Variants in NFASC observed in about 807,000 individuals in gnomAD.
NFASC encodes neurofascin.
A neutral mutation model predicts 147.5 loss-of-function variants in NFASC; 43 were observed. The observed-to-expected ratio is 0.29, with a 90% confidence interval of 0.23 to 0.38. The LOEUF (loss-of-function observed/expected upper bound fraction) is 0.38. NFASC is among the 10% of genes least tolerant of loss of function. NFASC has a pLI of 1.00. For synonymous variants in NFASC, 622 were observed against 665.5 expected (o/e 0.93, Z 1.01); for missense variants, 1,320 against 1,689.0 (o/e 0.78, Z 3.83).
chr1:204,932,687 C>T (rs943372506), intron 2 of NFASC, among the ~76,000 whole-genome samples: 1 of 152,150 alleles, frequency 6.6e-6, no homozygotes, highest in South Asian at 2.1e-4. Context: ...TTTCACACTG[C>T]GAAGGTAAAG....
At chr1:204,964,713 G>C (rs1284160723) in intron 8 of NFASC, among the ~76,000 whole-genome samples, 1 of 152,200 alleles carries the variant, frequency 6.6e-6, no homozygotes, top group Non-Finnish European at 1.5e-5. Context: ...TGAGTCTCTG[G>C]TTCTCAGTTC....
At chr1:204,871,139 C>G in intron 1 of NFASC, 2 of 1,264,912 alleles carry the variant, frequency 1.6e-6, no homozygotes, top group Non-Finnish European at 2.1e-6. Flanking sequence ...CTTTGGCCTT[C>G]AAAGACTCTG....
At chr1:204,836,239 T>C (rs535689338) in intron 1 of NFASC, among the ~76,000 whole-genome samples, 132 of 152,314 alleles carry the variant, frequency 8.7e-4, no homozygotes, top group Non-Finnish European at 1.6e-3. Flanking sequence ...TATCTTTATT[T>C]GCAGGGTAAA....
At chr1:204,838,764 C>T (rs1411594767) in intron 1 of NFASC, among the ~76,000 whole-genome samples, 3 of 152,214 alleles carry the variant, frequency 2.0e-5, no homozygotes, top group Non-Finnish European at 2.9e-5. Flanking sequence ...TCTTTACAGT[C>T]ATCCCGTTTA....
At chr1:204,903,609 AC>A (rs1456517958) in intron 1 of NFASC, among the ~76,000 whole-genome samples, 1 of 152,064 alleles carries the variant, frequency 6.6e-6, no homozygotes, top group Non-Finnish European at 1.5e-5. Flanking sequence ...CCCAGGTCCT[AC>A]TTGCAGGACT....
intron 3 of NFASC, 57 bp downstream of exon 3, chr1:204,944,463 GAGGGGA>G: frequency 2.8e-6 from 2 of 708,416 alleles, no homozygotes; most frequent in Non-Finnish European, 2.3e-6. Context: ...AGAGGGGTGG[GAGGGGA>G]GGGAAGGTCA....
At chr1:204,945,008 C>T (rs1318288655) in intron 3 of NFASC, 2 of 152,206 alleles carry the variant, frequency 1.3e-5, no homozygotes, top group Admixed American at 6.5e-5. Flanking sequence ...TTTCAACTTT[C>T]CTGCAGTAAA....
Position 204,981,865 on chromosome 1 carries a change from C to T in NFASC, c.2315C>T (p.Thr772Ile). 6.2e-7 allele frequency: 1 copy of T among 1,604,878 alleles called. No individual in the cohort carries two copies. Among genetic ancestry groups the T allele is most frequent in the Non-Finnish European group, 8.5e-7 (1 of 1,175,772 alleles). The change falls in exon 21 of 30, where the codon ACT becomes ATT. Residue 772 changes from threonine to isoleucine, a missense_variant. Around this residue, in one of 3 missense-constraint regions of NFASC, gnomAD observed 981 missense variants for 1,289.5 expected, o/e 0.76. Transcript: ENST00000339876. ...RYIVKWRRRE[T>I]REAWNNVTVW... ...ATTGTCAAGTGGAGGCGGAGAGAGA[C>T]TCGAGAGGCCTGGAACAACGTCACA...
chr1:205,014,102 A>G (rs550969059), intron 29 of NFASC, among the ~76,000 whole-genome samples: 2 of 152,314 alleles, frequency 1.3e-5, no homozygotes, highest in Admixed American at 1.3e-4. Flanking sequence ...CTCTTGGTGC[A>G]GCCAGAGAGG....
At chr1:204,840,174 C>T (rs1674896562) in intron 1 of NFASC, among the ~76,000 whole-genome samples, 1 of 152,144 alleles carries the variant, frequency 6.6e-6, no homozygotes, top group African/African-American at 2.4e-5. Flanking sequence ...CCAACAAGGT[C>T]CCAGGTAATG....
intron 19 of NFASC, 128 bp from the exon 20 acceptor site, chr1:204,980,242 G>T (rs1558348912): frequency 1.4e-6 from 1 of 736,134 alleles, no homozygotes; most frequent in Admixed American, 2.1e-5. Flanking sequence ...ACCAGACCAA[G>T]CGTATACATA....
At chr1:204,873,231 A>G (rs971515364) in intron 1 of NFASC, among the ~76,000 whole-genome samples, 1 of 152,096 alleles carries the variant, frequency 6.6e-6, no homozygotes, top group African/African-American at 2.4e-5. Context: ...ATTAATGACC[A>G]CTCAAGACAT....
intron 2 of NFASC, among the ~76,000 whole-genome samples, chr1:204,927,662 C>A (rs1003747575): frequency 2.6e-5 from 4 of 152,128 alleles, no homozygotes; most frequent in African/African-American, 9.7e-5. Context: ...TCTTGGGTCC[C>A]CACCCTTAGG....
intron 24 of NFASC, 25 bp from the exon 25 acceptor site, chr1:204,997,145 C>G: frequency 1.3e-6 from 2 of 1,594,302 alleles, no homozygotes; most frequent in Non-Finnish European, 1.7e-6. Flanking sequence ...CAACCAGACT[C>G]GGCTGTTTTA....
intron 27 of NFASC, among the ~76,000 whole-genome samples, chr1:205,005,116 G>GTGTT (rs1422007630): frequency 1.3e-5 from 2 of 152,262 alleles, no homozygotes. Flanking sequence ...AGCTTCTGCT[G>GTGTT]TGTTTGGGAG....
chr1:204,984,678 G>A (rs1014332574), intron 21 of NFASC, among the ~76,000 whole-genome samples: 16 of 152,036 alleles, frequency 1.1e-4, no homozygotes, highest in East Asian at 9.7e-4. Flanking sequence ...CCCTGTTGTC[G>A]CAGCCAACTC....
chr1:205,008,174 C>G lies in NFASC; in HGVS notation c.3290-1383C>G, dbSNP rs2096172763. The stretch of plus-strand genomic sequence containing the variant: ...GGAAGGCTGTAAAATCAGTCTTCAC[C>G]CCGTACTGGGAACTTTCTTGGTGCA... On this transcript the variant is annotated intron_variant, in intron 27 of 29. Transcript: ENST00000339876. Among the ~76,000 whole-genome samples, 4 of 152,168 alleles carry G rather than the reference C, an allele frequency of 2.6e-5. No individual in the cohort carries two copies. The South Asian group carries it at 8.3e-4, about 32-fold the overall frequency.
Position 205,019,047 on chromosome 1 carries a change from C to G in NFASC, c.*2508C>G, listed in dbSNP as rs2096382546. On this transcript the variant is annotated 3_prime_UTR_variant, in exon 30 of 30. Transcript: ENST00000339876. ...GTGGGTGCTGAGAGCTGCCCCCCAT[C>G]ACCACGCCATCACACCCCTCTGAGC... 1 of 152,332 alleles carries G rather than the reference C, an allele frequency of 6.6e-6. No individual in the cohort carries two copies. The highest frequency in any genetic ancestry group is 1.5e-5 in the Non-Finnish European group (1 of 68,144). 9.4% of individuals were successfully genotyped at this position (152,332 alleles called of 1,614,324 possible).
At chr1:204,992,856 G>C (rs1217580665) in intron 24 of NFASC, among the ~76,000 whole-genome samples, 1 of 152,176 alleles carries the variant, frequency 6.6e-6, no homozygotes, top group African/African-American at 2.4e-5. Flanking sequence ...CTACTGAGTG[G>C]GTGAGAGGTA....
Sources: gnomAD v4.1 joint callset for allele counts (sites outside exome capture counted in the v4.1 genomes callset) on GRCh38, gnomAD v4.1.1 for gene constraint, gnomAD v4.1.1 regional missense constraint, MANE v1.5 for transcripts, NCBI Gene and HGNC (gene_info 2026-07-23, HGNC 2026-07-21) for gene names.